Variants in XPO6 observed in about 807,000 individuals in gnomAD.
XPO6 encodes the protein exportin 6.
Under a neutral mutation model 130.0 loss-of-function variants are expected in XPO6, and 3 were observed. The ratio of observed to expected loss-of-function variants is 0.02; its 90% CI spans 0.01 to 0.06. The LOEUF is 0.06. Ranked by LOEUF, XPO6 falls within the 10% of genes least tolerant of loss-of-function variation. The probability of loss-of-function intolerance (pLI) is 1.00; values close to 1 mark genes in which losing one functional copy is unlikely to be tolerated. For missense variants in XPO6, 970 were observed against 1,393.0 expected (o/e 0.70, Z 4.83); for synonymous variants, 524 against 548.9 (o/e 0.95, Z 0.63).
intron 1 of XPO6, among the ~76,000 whole-genome samples, chr16:28,208,245 T>A (rs2044064977): frequency 6.6e-6 from 1 of 152,178 alleles, no homozygotes; most frequent in African/African-American, 2.4e-5. Context: ...CACTTTCAAG[T>A]CTTATTAGAG....
chr16:28,103,426 T>C (rs1164934077), intron 21 of XPO6, among the ~76,000 whole-genome samples: 1 of 152,240 alleles, frequency 6.6e-6, no homozygotes, highest in Non-Finnish European at 1.5e-5. Flanking sequence ...TTGGCAATTA[T>C]GAAACAGCTT....
chr16:28,183,205 C>T (rs540143228), intron 1 of XPO6: 1 of 152,222 alleles, frequency 6.6e-6, no homozygotes, highest in South Asian at 2.1e-4. Context: ...AAAAAGAATC[C>T]AACTCTGCCA....
intron 1 of XPO6, among the ~76,000 whole-genome samples, chr16:28,208,787 T>A (rs989959654): frequency 6.6e-6 from 1 of 152,202 alleles, no homozygotes; most frequent in African/African-American, 2.4e-5. Context: ...ATGCTGTAAG[T>A]TTCCCAAGGG....
chr16:28,175,161 C>T (rs1015423128), intron 4 of XPO6, among the ~76,000 whole-genome samples: 2 of 152,094 alleles, frequency 1.3e-5, no homozygotes, highest in Non-Finnish European at 2.9e-5. Context: ...TCTCCCCTCT[C>T]ACCTATTGTC....
intron 2 of XPO6, among the ~76,000 whole-genome samples, chr16:28,180,666 A>G (rs1426651460): frequency 6.6e-6 from 1 of 151,826 alleles, no homozygotes; most frequent in Admixed American, 6.6e-5. Flanking sequence ...ACCCTGTCCC[A>G]CCCCACCCTA....
At chr16:28,175,815 A>G in intron 4 of XPO6, 83 bp downstream of exon 4, 1 of 1,306,542 alleles carries the variant, frequency 7.7e-7, no homozygotes, top group East Asian at 2.4e-5. Flanking sequence ...TGCTAATCTT[A>G]AAAGTCCTCT....
At chr16:28,204,534 G>C (rs2043999436) in intron 1 of XPO6, among the ~76,000 whole-genome samples, 1 of 152,052 alleles carries the variant, frequency 6.6e-6, no homozygotes, top group Non-Finnish European at 1.5e-5. Flanking sequence ...GAGAGCTAAA[G>C]GAGGTGAGCT....
chr16:28,178,764 CA>C (rs139329056), intron 2 of XPO6, among the ~76,000 whole-genome samples: 90,454 of 138,342 alleles, frequency 0.65, 28,528 homozygotes, highest in South Asian at 0.73. Flanking sequence ...CAAAACAAAA[CA>C]AAAAAAAAAA....
In XPO6 at chr16:28,152,667, A is replaced by C. The variant is rs2043115842; in HGVS notation, c.1216T>G (p.Phe406Val). 1 of 1,611,406 alleles carries C rather than the reference A, an allele frequency of 6.2e-7. No individual in the cohort carries two copies. Among genetic ancestry groups the C allele is most frequent in the Admixed American group, 1.7e-5 (1 of 59,782 alleles). ...TGACTTTGGTGCTTTACCTGATGAA[A>C]TGTGTACTTGAACAAAAGTGTCAAA... The part of the protein sequence containing the change: ...EFLTLLFKYT[F>V]HQPTHEGYFS... Residue 406 changes from phenylalanine (F) to valine (V), a missense_variant, in exon 8 of 24, where the codon TTT becomes GTT. Around this residue, in one of 4 missense-constraint regions of XPO6, gnomAD observed 936 missense variants for 1,306.8 expected, o/e 0.72. Coordinates refer to ENST00000304658, the MANE Select transcript of XPO6 (RefSeq NM_015171.4).
At chr16:28,159,153 C>T (rs188995626) in intron 6 of XPO6, among the ~76,000 whole-genome samples, 1 of 151,810 alleles carries the variant, frequency 6.6e-6, no homozygotes, top group Non-Finnish European at 1.5e-5. Flanking sequence ...TCGCTTGAGC[C>T]CGGGGAGGTC....
chr16:28,153,335 A>G, intron 7 of XPO6: 1 of 985,724 alleles, frequency 1.0e-6, no homozygotes, highest in Non-Finnish European at 1.2e-6. Flanking sequence ...GTGATTTCAA[A>G]TATAAGGGAG....
At chr16:28,168,608 T>C (rs529102325) in intron 5 of XPO6, among the ~76,000 whole-genome samples, 5 of 151,400 alleles carry the variant, frequency 3.3e-5, no homozygotes, top group Admixed American at 6.6e-5. Flanking sequence ...TTTTCTTTTT[T>C]TTTTTTTTAA....
Position 28,098,419 on chromosome 16 carries a change from C to T in XPO6, c.*119G>A. 3 of 848,722 alleles carry T rather than the reference C, an allele frequency of 3.5e-6. No homozygotes were observed. Among genetic ancestry groups the T allele is most frequent in the Admixed American group, 4.5e-5 (2 of 44,896 alleles). 52.6% of individuals were successfully genotyped at this position (848,722 alleles called of 1,614,324 possible). On this transcript the variant is annotated 3_prime_UTR_variant, in exon 24 of 24. Coordinates refer to ENST00000304658, the MANE Select transcript of XPO6 (RefSeq NM_015171.4). ...GGAGCGGCAGAGGCAGGCAGCGTTG[C>T]TTGCGGTGGGAGAAGCCAAGGAGTG... is the stretch of plus-strand genomic sequence containing the variant.
rs927326074 is a variant in XPO6 at position 28,098,311 on chromosome 16, G to A, written c.*227C>T. Reference sequence around the variant, plus strand: ...CTAGTACCTGGCCACACACCCCTCCGCCTGCTCCAACGCCCTGGGAGCACC... The same window carrying A: ...CTAGTACCTGGCCACACACCCCTCCACCTGCTCCAACGCCCTGGGAGCACC... On this transcript the variant is annotated 3_prime_UTR_variant, in exon 24 of 24. Transcript: ENST00000304658. The A allele has an allele frequency of 2.1e-5, 10 of 474,594 alleles. No individual in the cohort carries two copies. The highest frequency in any genetic ancestry group is 6.1e-5 in the South Asian group (2 of 32,750). The allele number at this position is 474,594 out of a possible 1,614,324, so 29.4% of individuals were successfully genotyped here.
rs2044135111 is a variant in XPO6 at position 28,211,647 on chromosome 16, C to G, written c.-279G>C. The G allele has an allele frequency of 2.7e-6, 1 of 377,244 alleles. No individual in the cohort carries two copies. The highest frequency in any genetic ancestry group is 3.8e-5 in the East Asian group (1 of 26,640). The allele number at this position is 377,244 out of a possible 1,614,324, so 23.4% of individuals were successfully genotyped here. A position where few individuals can be genotyped will look rare whatever the true frequency, so the allele number is the denominator to read the frequency against. On this transcript the variant is annotated 5_prime_UTR_variant, in exon 1 of 24. Transcript: ENST00000304658. ...GAGGCTCGGATGCCGGCGAGGAGGG[C>G]AGCTGCTCGGGACCCCCGCCCGGGC...
rs751345635 is a variant in XPO6 at position 28,132,305 on chromosome 16, G to A, written c.1606+29C>T. The A allele has an allele frequency of 6.6e-7, 1 of 1,520,664 alleles. No individual in the cohort carries two copies. Among genetic ancestry groups the A allele is most frequent in the East Asian group, 2.3e-5 (1 of 43,798 alleles). 94.2% of individuals were successfully genotyped at this position (1,520,664 alleles called of 1,614,324 possible). A position where few individuals can be genotyped will look rare whatever the true frequency, so the allele number is the denominator to read the frequency against. On this transcript the variant is annotated intron_variant, in intron 12 of 23. Coordinates refer to ENST00000304658, the MANE Select transcript of XPO6 (RefSeq NM_015171.4). The surrounding 1 kb of genome is among the most constrained non-coding windows in gnomAD (Gnocchi z 4.0). ...AGTCCGATGGTTTTTTGAATGTTTG[G>A]TTAAATTAGAAAATAAAAACCAGTT...
Position 28,137,906 on chromosome 16 carries a change from A to G in XPO6, c.1335-2582T>C, listed in dbSNP as rs573226297. On this transcript the variant is annotated intron_variant, in intron 9 of 23. Coordinates refer to ENST00000304658, the MANE Select transcript of XPO6 (RefSeq NM_015171.4). ...TCAGTCTCCAGTGTCTGTTGTTGCC[A>G]TCCTATGTCCACGAGCACCCACTAT... Among the ~76,000 whole-genome samples the G allele has an allele frequency of 7.2e-5, 11 of 152,038 alleles. No homozygotes were observed. The South Asian group carries it at 2.3e-3, about 32-fold the overall frequency.
At chr16:28,105,255 G>A (rs2086748773) in intron 20 of XPO6, among the ~76,000 whole-genome samples, 1 of 152,230 alleles carries the variant, frequency 6.6e-6, no homozygotes, top group African/African-American at 2.4e-5. Context: ...CTCTGGGCCA[G>A]TCTCCTCTTT....
chr16:28,106,517 T>G lies in XPO6; in HGVS notation c.2498-20A>C, dbSNP rs1257422803. The G allele has an allele frequency of 6.2e-7, 1 of 1,600,792 alleles. No individual in the cohort carries two copies. Among genetic ancestry groups the G allele is most frequent in the East Asian group, 2.2e-5 (1 of 44,816 alleles). ...TCACATCTGAGGAAAGGGGCAGAGA[T>G]ATCGTCAGAGGCTTGCACACAGTGA... On this transcript the variant is annotated intron_variant, in intron 18 of 23. Transcript: ENST00000304658. The surrounding 1 kb of genome is among the most constrained non-coding windows in gnomAD (Gnocchi z 4.2).
Sources: allele counts gnomAD v4.1 joint callset (sites outside exome capture counted in the v4.1 genomes callset), GRCh38; gene constraint gnomAD v4.1.1; regional missense constraint gnomAD v4.1.1; non-coding constraint Gnocchi (gnomAD v3.1); transcripts MANE v1.5; gene names NCBI Gene and HGNC (gene_info 2026-07-23, HGNC 2026-07-21).